The following NDUFAF6 variants were observed in gnomAD, a reference collection of about 807,000 sequenced individuals.
The protein encoded by NDUFAF6 is NADH:ubiquinone oxidoreductase complex assembly factor 6.
NDUFAF6 carries 45 observed loss-of-function variants against 40.8 expected under a neutral mutation model. The ratio of observed to expected loss-of-function variants is 1.10; its 90% CI spans 0.87 to 1.42. The LOEUF is 1.42. Among genes scored for constraint, NDUFAF6 ranks in the 40% most tolerant of loss-of-function variants. The pLI is 0.00. For synonymous variants in NDUFAF6, 185 were observed against 155.9 expected (o/e 1.19, Z -1.39); for missense variants, 435 against 418.5 (o/e 1.04, Z -0.34).
chr8:94,999,197 C>T (rs192994146), intron 2 of NDUFAF6, among the ~76,000 whole-genome samples: 1 of 150,212 alleles, frequency 6.7e-6, no homozygotes, highest in East Asian at 2.0e-4. Context: ...GATCTCAGCT[C>T]ACTGCAACCT....
intron 3 of NDUFAF6, among the ~76,000 whole-genome samples, chr8:95,039,459 A>T (rs1829908060): frequency 6.7e-6 from 1 of 150,354 alleles, no homozygotes; most frequent in Non-Finnish European, 1.5e-5. Flanking sequence ...CTCAAAAAAA[A>T]AAAAGGGGGG....
At chr8:94,961,310 A>G (rs1823549324) in intron 1 of NDUFAF6, among the ~76,000 whole-genome samples, 1 of 152,246 alleles carries the variant, frequency 6.6e-6, no homozygotes, top group African/African-American at 2.4e-5. Context: ...AACTTTTACC[A>G]TTTTAAATCA....
intron 9 of NDUFAF6, among the ~76,000 whole-genome samples, chr8:95,065,513 GTAATA>G (rs1165079389): frequency 2.6e-5 from 4 of 151,950 alleles, no homozygotes; most frequent in African/African-American, 7.3e-5. Flanking sequence ...TTTTAATTTA[GTAATA>G]TAATGTAGAA....
intron 5 of NDUFAF6, among the ~76,000 whole-genome samples, chr8:95,046,751 C>T (rs893001862): frequency 6.6e-6 from 1 of 152,148 alleles, no homozygotes; most frequent in Non-Finnish European, 1.5e-5. Context: ...TAAATGTGTT[C>T]TTAGTGTGCT....
intron 1 of NDUFAF6, among the ~76,000 whole-genome samples, chr8:94,967,494 A>G (rs1824099532): frequency 6.6e-6 from 1 of 152,142 alleles, no homozygotes; most frequent in Admixed American, 6.5e-5. Context: ...ATAATGACAG[A>G]GATCCTTTAG....
At chr8:94,942,416 T>C (rs1821632288) in intron 1 of NDUFAF6, among the ~76,000 whole-genome samples, 1 of 152,156 alleles carries the variant, frequency 6.6e-6, no homozygotes. Flanking sequence ...GCAGCTCGAA[T>C]CTGCCTGCTT....
chr8:95,048,403 T>C, intron 6 of NDUFAF6, 54 bp from the exon 7 acceptor site: 1 of 1,235,530 alleles, frequency 8.1e-7, no homozygotes, highest in Admixed American at 1.7e-5. Context: ...CTAGGTGAAC[T>C]GTTGGAAGGA....
chr8:94,954,237 G>T (rs913991514), upstream of NDUFAF6, among the ~76,000 whole-genome samples: 4 of 152,126 alleles, frequency 2.6e-5, no homozygotes, highest in African/African-American at 7.2e-5. Context: ...TAATTTTCGT[G>T]TTTTTAGTAG....
chr8:94,999,040 G>T (rs1360828023), intron 2 of NDUFAF6, among the ~76,000 whole-genome samples: 1 of 151,724 alleles, frequency 6.6e-6, no homozygotes, highest in Non-Finnish European at 1.5e-5. Flanking sequence ...GTGTTCGTGT[G>T]TGTGTAAAAC....
intron 2 of NDUFAF6, among the ~76,000 whole-genome samples, chr8:95,034,929 G>C (rs1829308907): frequency 6.6e-6 from 1 of 151,312 alleles, no homozygotes. Context: ...GCCCAGGCTA[G>C]AGTGTGGTGG....
chr8:95,074,917 T>C lies in NDUFAF6; in HGVS notation c.*512-716T>C, dbSNP rs74405204. On this transcript the variant is annotated intron_variant and NMD_transcript_variant, in intron 9 of 9. Coordinates refer to the NDUFAF6 transcript ENST00000520757. Reference sequence around the variant, plus strand: ...GCTTTGCAAACTCCAAATTCCTTCTTTTACAACCTCAAAAATTTCATTCAA... The same window carrying C: ...GCTTTGCAAACTCCAAATTCCTTCTCTTACAACCTCAAAAATTTCATTCAA... Among the ~76,000 whole-genome samples the C allele has an allele frequency of 8.2e-3, 1,255 of 152,286 alleles. 12 individuals carry two copies. The highest frequency in any genetic ancestry group is 0.034 in the Middle Eastern group (10 of 294).
intron 1 of NDUFAF6, among the ~76,000 whole-genome samples, chr8:94,970,271 AAAG>A (rs1462257907): frequency 4.6e-5 from 7 of 151,588 alleles, no homozygotes; most frequent in East Asian, 1.9e-4. Context: ...AAAAAAAAAA[AAAG>A]AAGAAGGAAA....
At chr8:95,019,653 A>T (rs960915357) in intron 2 of NDUFAF6, among the ~76,000 whole-genome samples, 2 of 152,234 alleles carry the variant, frequency 1.3e-5, no homozygotes, top group Non-Finnish European at 2.9e-5. Context: ...GAGTGAAATG[A>T]ATAAAACTGC....
intron 1 of NDUFAF6, among the ~76,000 whole-genome samples, chr8:94,979,700 T>A (rs952471833): frequency 1.3e-4 from 20 of 152,212 alleles, no homozygotes; most frequent in Non-Finnish European, 2.1e-4. Flanking sequence ...CTTGAAAATG[T>A]TTATGACATA....
At chr8:94,918,027 G>T (rs1819252743) in intron 1 of NDUFAF6, among the ~76,000 whole-genome samples, 1 of 152,146 alleles carries the variant, frequency 6.6e-6, no homozygotes, top group Non-Finnish European at 1.5e-5. Flanking sequence ...GCGAAACTTT[G>T]TAAGTTGTTT....
At chr8:95,044,017 ATGT>A (rs1329495040) in intron 4 of NDUFAF6, among the ~76,000 whole-genome samples, 1 of 152,234 alleles carries the variant, frequency 6.6e-6, no homozygotes, top group Non-Finnish European at 1.5e-5. Flanking sequence ...GTTAAACAAA[ATGT>A]TGTATATCCA....
At chr8:94,994,818 C>T (rs1420048374) in intron 2 of NDUFAF6, among the ~76,000 whole-genome samples, 2 of 152,142 alleles carry the variant, frequency 1.3e-5, no homozygotes, top group African/African-American at 4.8e-5. Context: ...GGTGGAGACC[C>T]TGTCTCAAAA....
upstream of NDUFAF6, among the ~76,000 whole-genome samples, chr8:94,957,036 G>T (rs577651028): frequency 1.3e-5 from 2 of 152,242 alleles, no homozygotes; most frequent in East Asian, 3.9e-4. Flanking sequence ...CCCGGGCGGG[G>T]TGGCATGCAC....
intron 4 of NDUFAF6, among the ~76,000 whole-genome samples, chr8:95,110,769 A>G (rs11781181): frequency 0.83 from 126,808 of 152,186 alleles, 53,262 homozygotes; most frequent in East Asian, 1. Context: ...CCAATCTTCT[A>G]AAGGAAAATT....
Sources: gnomAD v4.1 joint callset for allele counts (sites outside exome capture counted in the v4.1 genomes callset) on GRCh38, gnomAD v4.1.1 for gene constraint, MANE v1.5 for transcripts, NCBI Gene and HGNC (gene_info 2026-07-23, HGNC 2026-07-21) for gene names.